The following MARS1 variants were observed in gnomAD, a reference collection of about 807,000 sequenced individuals.
MARS1 encodes the protein methionine--tRNA ligase, cytoplasmic.
A neutral mutation model predicts 119.5 loss-of-function variants in MARS1; 80 were observed. That is an observed-to-expected ratio of 0.67 (90% CI 0.56 to 0.81). The LOEUF (loss-of-function observed/expected upper bound fraction) is 0.81, where lower values mean the gene tolerates loss of function less well. Ranked by LOEUF, MARS1 falls within the 30% of genes least tolerant of loss-of-function variation. MARS1 has a pLI of 0.00. For synonymous variants in MARS1, 418 were observed against 433.4 expected, an observed-to-expected ratio of 0.96 and a Z score of 0.44; for missense variants, 945 against 1,116.5, an observed-to-expected ratio of 0.85 and a Z score of 2.19.
Position 57,493,796 on chromosome 12 carries a change from T to TA in MARS1, c.770+3152_770+3153insA, listed in dbSNP as rs1280558236. 2.3e-3 allele frequency among the ~76,000 whole-genome samples: 3 copies of TA among 1,296 alleles called. 1 individual carries two copies. The highest frequency in any genetic ancestry group is 1.5e-3 in the Non-Finnish European group (1 of 680). 0.9% of individuals were successfully genotyped at this position (1,296 alleles called of 152,430 possible). On this transcript the variant is annotated intron_variant, in intron 7 of 20. Transcript: ENST00000262027. ...TATAATATATATTATATATTATATA[T>TA]TATATTATATAATGTATATTATATA...
intron 10 of MARS1, among the ~76,000 whole-genome samples, chr12:57,503,437 T>A (rs1472090928): frequency 6.6e-6 from 1 of 152,120 alleles, no homozygotes; most frequent in East Asian, 1.9e-4. Flanking sequence ...TTCACCATGC[T>A]GGCCAGGCTG....
intron 7 of MARS1, among the ~76,000 whole-genome samples, chr12:57,491,304 T>G (rs12367179): frequency 3.9e-5 from 6 of 152,192 alleles, no homozygotes; most frequent in Non-Finnish European, 8.8e-5. Flanking sequence ...TACAGGCATC[T>G]CAAATTCAAC....
chr12:57,512,711 G>C (rs1346872735), intron 14 of MARS1, 40 bp from the exon 15 acceptor site: 2 of 1,466,060 alleles, frequency 1.4e-6, no homozygotes, highest in East Asian at 2.3e-5. Context: ...GGAAGGATGT[G>C]ATGTGAGCAG....
At chr12:57,493,807 A>AATAT (rs1876365096) in intron 7 of MARS1, among the ~76,000 whole-genome samples, 1 of 1,824 alleles carries the variant, frequency 5.5e-4, no homozygotes, top group Admixed American at 0.021. Context: ...TATATTATAT[A>AATAT]ATGTATATTA....
At chr12:57,499,362 G>A (rs1344023538) in intron 9 of MARS1, among the ~76,000 whole-genome samples, 2 of 149,754 alleles carry the variant, frequency 1.3e-5, no homozygotes, top group African/African-American at 4.9e-5. Flanking sequence ...TTGGGAGGCC[G>A]AGGCGGGCGG....
In MARS1 at chr12:57,515,035, G is replaced by T; in HGVS notation, c.2181G>T (p.Arg727=). 6.2e-7 allele frequency: 1 copy of T among 1,614,198 alleles called. No individual in the cohort carries two copies. Among genetic ancestry groups the T allele is most frequent in the Non-Finnish European group, 8.5e-7 (1 of 1,180,040 alleles). The change falls in exon 17 of 21, where the codon CGG becomes CGT. Residue 727 remains arginine (R), a synonymous_variant. Coordinates refer to ENST00000262027, the MANE Select transcript of MARS1 (RefSeq NM_004990.4). ...QYIQVNEPWK[R]IKGSEADRQR... ...TTCAGGTGAATGAGCCCTGGAAGCGGATTAAAGGCAGTGAGGCTGACAGGT... is the reference window on the plus strand; with the variant it reads ...TTCAGGTGAATGAGCCCTGGAAGCGTATTAAAGGCAGTGAGGCTGACAGGT...
intron 7 of MARS1, 136 bp downstream of exon 7, chr12:57,490,780 C>CTTTTTTTTTTTTTT (rs35674919): frequency 2.9e-5 from 7 of 238,806 alleles, no homozygotes; most frequent in African/African-American, 1.8e-4. Context: ...TCTTACATCT[C>CTTTTTTTTTTTTTT]TTTTTTTTTT....
intron 7 of MARS1, among the ~76,000 whole-genome samples, chr12:57,496,066 A>G (rs1270276678): frequency 6.6e-6 from 1 of 152,140 alleles, no homozygotes; most frequent in Non-Finnish European, 1.5e-5. Context: ...ACGGGGTTTC[A>G]CTATGTTGGC....
At chr12:57,513,433 A>C (rs1877618534) in intron 15 of MARS1, among the ~76,000 whole-genome samples, 1 of 151,922 alleles carries the variant, frequency 6.6e-6, no homozygotes, top group South Asian at 2.1e-4. Context: ...TGCCTGACCA[A>C]CATAATGAAT....
chr12:57,516,387 G>C, intron 20 of MARS1, 48 bp from the exon 21 acceptor site: 1 of 1,611,848 alleles, frequency 6.2e-7, no homozygotes, highest in Non-Finnish European at 8.5e-7. Context: ...ATCCTAAATA[G>C]ATCTTTTTCT....
At chr12:57,513,934 A>G (rs1341055086) in intron 15 of MARS1, among the ~76,000 whole-genome samples, 1 of 151,250 alleles carries the variant, frequency 6.6e-6, no homozygotes, top group Non-Finnish European at 1.5e-5. Flanking sequence ...GTGGTGGCGC[A>G]CATCTGTAAT....
At chr12:57,510,826 A>G (rs1311168423) in intron 11 of MARS1, among the ~76,000 whole-genome samples, 1 of 151,638 alleles carries the variant, frequency 6.6e-6, no homozygotes, top group Non-Finnish European at 1.5e-5. Flanking sequence ...CCAACTTCCA[A>G]CACTTTGGGA....
chr12:57,507,778 C>T (rs1285271710), intron 11 of MARS1, among the ~76,000 whole-genome samples: 4 of 147,052 alleles, frequency 2.7e-5, no homozygotes, highest in African/African-American at 5.0e-5. Flanking sequence ...CCCTCCCGGA[C>T]GGGGCGGCTG....
intron 11 of MARS1, among the ~76,000 whole-genome samples, chr12:57,506,537 T>C (rs1877185810): frequency 6.6e-6 from 1 of 152,208 alleles, no homozygotes; most frequent in South Asian, 2.1e-4. Flanking sequence ...ATAAATGACA[T>C]TGTGTCCTTT....
chr12:57,488,409 ATC>A (rs1190065481), intron 1 of MARS1: 21 of 742,132 alleles, frequency 2.8e-5, no homozygotes, highest in Non-Finnish European at 3.9e-5. Flanking sequence ...CCCTTCCCTT[ATC>A]TCTCTCCTCC....
At chr12:57,509,683 T>TA (rs1877414632) in intron 11 of MARS1, among the ~76,000 whole-genome samples, 1 of 152,136 alleles carries the variant, frequency 6.6e-6, no homozygotes, top group Non-Finnish European at 1.5e-5. Flanking sequence ...GTGCTGGGAT[T>TA]ACAGGCGTGA....
intron 1 of MARS1, 109 bp from the exon 2 acceptor site, chr12:57,488,910 C>T: frequency 3.3e-6 from 3 of 919,052 alleles, no homozygotes; most frequent in South Asian, 1.5e-5. Context: ...TTGAGACTGC[C>T]CATCTTTCTT....
intron 3 of MARS1, 23 bp downstream of exon 3, chr12:57,489,368 G>A: frequency 6.2e-7 from 1 of 1,614,128 alleles, no homozygotes; most frequent in Non-Finnish European, 8.5e-7. Context: ...TATGGGGGAT[G>A]TCAGGCAGGC....
intron 10 of MARS1, among the ~76,000 whole-genome samples, chr12:57,502,268 C>T (rs928268387): frequency 2.6e-5 from 4 of 152,046 alleles, no homozygotes; most frequent in Admixed American, 2.0e-4. Flanking sequence ...TGGGATGCAG[C>T]CATACTGTTT....
Sources: gnomAD v4.1 joint callset for allele counts (sites outside exome capture counted in the v4.1 genomes callset) on GRCh38, gnomAD v4.1.1 for gene constraint, MANE v1.5 for transcripts, NCBI Gene and HGNC (gene_info 2026-07-23, HGNC 2026-07-21) for gene names.